Variants in HCN1 observed in about 807,000 individuals in gnomAD.
The protein encoded by HCN1 is hyperpolarization activated cyclic nucleotide gated potassium channel 1.
Under a neutral mutation model 78.9 loss-of-function variants are expected in HCN1, and 13 were observed. The ratio of observed to expected loss-of-function variants is 0.16; its 90% CI spans 0.11 to 0.26. HCN1 has a LOEUF of 0.26. HCN1 is among the 10% of genes least tolerant of loss of function. The probability of loss-of-function intolerance (pLI) is 1.00; values close to 1 mark genes in which losing one functional copy is unlikely to be tolerated. For synonymous variants in HCN1, 552 were observed against 455.5 expected (o/e 1.21, Z -2.70); for missense variants, 810 against 1,154.3 (o/e 0.70, Z 4.32).
At chr5:45,328,644 A>T (rs1292775012) in intron 5 of HCN1, among the ~76,000 whole-genome samples, 1 of 151,604 alleles carries the variant, frequency 6.6e-6, no homozygotes, top group African/African-American at 2.4e-5. Flanking sequence ...CCCAAAGGAG[A>T]TTTCATCCCA....
rs1476391809 is a variant in HCN1 at position 45,258,237 on chromosome 5, G to GTAGACATAATTCAGGATTTGAAA, written c.*3661_*3683dup. ...TAATAGAGATTGCTCATAATTTGAA[G>GTAGACATAATTCAGGATTTGAAA]TAGACATAATTCAGGATTTGAAATA... On this transcript the variant is annotated 3_prime_UTR_variant, in exon 8 of 8. Coordinates refer to ENST00000303230, the MANE Select transcript of HCN1 (RefSeq NM_021072.4). 1 of 152,122 alleles carries GTAGACATAATTCAGGATTTGAAA rather than the reference G, an allele frequency of 6.6e-6. No individual in the cohort carries two copies. The highest frequency in any genetic ancestry group is 2.4e-5 in the African/African-American group (1 of 41,410). 9.4% of individuals were successfully genotyped at this position (152,122 alleles called of 1,614,324 possible). A position where few individuals can be genotyped will look rare whatever the true frequency, so the allele number is the denominator to read the frequency against.
chr5:45,657,582 C>T (rs1294381967), intron 1 of HCN1, among the ~76,000 whole-genome samples: 3 of 152,080 alleles, frequency 2.0e-5, no homozygotes, highest in Non-Finnish European at 4.4e-5. Flanking sequence ...TTTTGGCTCA[C>T]TTTTTAAAGA....
intron 2 of HCN1, among the ~76,000 whole-genome samples, chr5:45,526,196 A>C (rs1051579596): frequency 1.3e-5 from 2 of 152,094 alleles, no homozygotes; most frequent in African/African-American, 2.4e-5. Context: ...TGAATCAAAA[A>C]ATTTACTATA....
intron 2 of HCN1, among the ~76,000 whole-genome samples, chr5:45,473,398 A>G (rs191536215): frequency 6.6e-6 from 1 of 152,008 alleles, no homozygotes; most frequent in East Asian, 1.9e-4. Context: ...CTATCATACT[A>G]AGCCTGCTTA....
chr5:45,441,615 T>C (rs1330056540), intron 3 of HCN1, among the ~76,000 whole-genome samples: 4 of 152,186 alleles, frequency 2.6e-5, no homozygotes, highest in Non-Finnish European at 5.9e-5. Context: ...TGTGATACGA[T>C]TAATATGCTT....
At chr5:45,306,540 A>G (rs974097916) in intron 5 of HCN1, among the ~76,000 whole-genome samples, 2 of 152,154 alleles carry the variant, frequency 1.3e-5, no homozygotes, top group Non-Finnish European at 2.9e-5. Flanking sequence ...AACAGATATG[A>G]TAGAAAAAAT....
In HCN1 at chr5:45,523,937, T is replaced by C. The variant is rs370470722; in HGVS notation, c.850-61930A>G. On this transcript the variant is annotated intron_variant, in intron 2 of 7. Coordinates refer to ENST00000303230, the MANE Select transcript of HCN1 (RefSeq NM_021072.4). ...GTTTTGGACATGAAGTCCTTGCCCA[T>C]GCCTATGTCCTGAATGGTATTGCCT... 9.2e-5 allele frequency among the ~76,000 whole-genome samples: 14 copies of C among 152,298 alleles called. No homozygotes were observed. The East Asian group carries it at 1.5e-3, about 17-fold the overall frequency.
At chr5:45,299,569 C>T (rs902788835) in intron 6 of HCN1, among the ~76,000 whole-genome samples, 1 of 151,672 alleles carries the variant, frequency 6.6e-6, no homozygotes, top group African/African-American at 2.4e-5. Context: ...TTTTTTAAAG[C>T]TTTCCAGGAG....
chr5:45,530,200 C>T (rs1338559821), intron 2 of HCN1, among the ~76,000 whole-genome samples: 2 of 151,756 alleles, frequency 1.3e-5, no homozygotes, highest in Non-Finnish European at 2.9e-5. Context: ...AGCAGTGAGG[C>T]AAATCAGGTG....
At chr5:45,513,220 A>G (rs1283066067) in intron 2 of HCN1, among the ~76,000 whole-genome samples, 4 of 152,128 alleles carry the variant, frequency 2.6e-5, no homozygotes, top group Non-Finnish European at 5.9e-5. Context: ...AATCAAATAT[A>G]TTACCTACGT....
chr5:45,286,135 A>G (rs1745266100), intron 6 of HCN1, among the ~76,000 whole-genome samples: 1 of 151,954 alleles, frequency 6.6e-6, no homozygotes, highest in Non-Finnish European at 1.5e-5. Flanking sequence ...AAGACATGGG[A>G]GTATTATTTT....
chr5:45,490,606 C>T (rs77593700), intron 2 of HCN1, among the ~76,000 whole-genome samples: 93 of 152,218 alleles, frequency 6.1e-4, no homozygotes, highest in African/African-American at 2.0e-3. Context: ...CTGCTGCTGA[C>T]GTAATCATAA....
At chr5:45,671,039 G>C (rs1254445990) in intron 1 of HCN1, among the ~76,000 whole-genome samples, 1 of 151,518 alleles carries the variant, frequency 6.6e-6, no homozygotes, top group African/African-American at 2.4e-5. Flanking sequence ...TTAATTCCTT[G>C]AAAAGTGGCA....
intron 4 of HCN1, among the ~76,000 whole-genome samples, chr5:45,365,557 T>C (rs1040835634): frequency 6.6e-6 from 1 of 152,014 alleles, no homozygotes; most frequent in African/African-American, 2.4e-5. Context: ...ATTCCATACA[T>C]ATATACCCAC....
Position 45,261,891 on chromosome 5 carries a change from ATTTC to A in HCN1, c.*26_*29del, listed in dbSNP as rs371029857. ...GAGTATAGTCTCAGTTTATGAGAGT[ATTTC>A]TTTCTGCTTTGACAATCAGCAGGGA... is the stretch of plus-strand genomic sequence containing the variant. On this transcript the variant is annotated 3_prime_UTR_variant, in exon 8 of 8. Transcript: ENST00000303230. 723 of 1,613,402 alleles carry A rather than the reference ATTTC, an allele frequency of 4.5e-4. 3 individuals are homozygous for A. The African/African-American group carries it at 8.6e-3, about 19-fold the overall frequency.
chr5:45,657,482 C>A (rs1475851741), intron 1 of HCN1, among the ~76,000 whole-genome samples: 1 of 152,018 alleles, frequency 6.6e-6, no homozygotes, highest in Non-Finnish European at 1.5e-5. Context: ...GTTGCACTTG[C>A]TTTTTTTATG....
At chr5:45,337,398 A>C (rs933740253) in intron 5 of HCN1, among the ~76,000 whole-genome samples, 1 of 152,082 alleles carries the variant, frequency 6.6e-6, no homozygotes, top group Non-Finnish European at 1.5e-5. Context: ...GATACTAAGA[A>C]AGTTCTGTGG....
intron 5 of HCN1, among the ~76,000 whole-genome samples, chr5:45,349,615 A>G (rs1233613645): frequency 2.6e-5 from 4 of 152,186 alleles, no homozygotes; most frequent in Non-Finnish European, 5.9e-5. Flanking sequence ...AACAAAATTG[A>G]TAGACCGCTA....
rs142264412 is a variant in HCN1, at chr5:45,418,649, G to A, written c.1012-21939C>T. On this transcript the variant is annotated intron_variant, in intron 3 of 7. Transcript: ENST00000303230. ...TAGAATCTAATGCTGATAAATCAAC[G>A]TAACTGTCAACAGCTGAGTCCTAAG... Among the ~76,000 whole-genome samples the A allele has an allele frequency of 3.3e-4, 50 of 152,004 alleles. 1 individual carries two copies. In the East Asian group the frequency reaches 7.4e-3, roughly 23 times the overall value.
Sources: allele counts gnomAD v4.1 joint callset (sites outside exome capture counted in the v4.1 genomes callset), GRCh38; gene constraint gnomAD v4.1.1; transcripts MANE v1.5; gene names NCBI Gene and HGNC (gene_info 2026-07-23, HGNC 2026-07-21).